MTMR7: variants seen among roughly 807,000 people sequenced by gnomAD.
MTMR7 encodes myotubularin related protein 7.
MTMR7 carries 76 observed loss-of-function variants against 81.2 expected under a neutral mutation model. The observed-to-expected ratio is 0.94, with a 90% confidence interval of 0.78 to 1.13. MTMR7 has a LOEUF of 1.13. MTMR7 is among the 50% of genes most tolerant of loss of function. The probability of loss-of-function intolerance (pLI) is 0.00; values close to 1 mark genes in which losing one functional copy is unlikely to be tolerated. For missense variants in MTMR7, 1,044 were observed against 820.0 expected (o/e 1.27, Z -3.34); for synonymous variants, 372 against 289.8 (o/e 1.28, Z -2.88).
At chr8:17,393,256 A>T (rs996458658) in intron 1 of MTMR7, among the ~76,000 whole-genome samples, 1 of 152,218 alleles carries the variant, frequency 6.6e-6, no homozygotes, top group Admixed American at 6.5e-5. Flanking sequence ...TCTATCTCAC[A>T]CCATATACAA....
At chr8:17,411,068 T>C (rs949392749) in intron 1 of MTMR7, among the ~76,000 whole-genome samples, 2 of 152,200 alleles carry the variant, frequency 1.3e-5, no homozygotes, top group African/African-American at 4.8e-5. Flanking sequence ...CTCTGCAAGC[T>C]CTGTAAGTAA....
At position 17,355,682 on chromosome 8, in the gene MTMR7, T is replaced by C. The variant is rs146241305; in HGVS notation, c.468+5435A>G. On this transcript the variant is annotated intron_variant, in intron 4 of 13. Transcript: ENST00000180173. ...TATCAGAATCTCCTGAGACAAGATA[T>C]CTGCAAGAGCTATAAATTATAACAA... is the stretch of plus-strand genomic sequence containing the variant. 2.6e-5 allele frequency among the ~76,000 whole-genome samples: 4 copies of C among 152,152 alleles called. No individual in the cohort carries two copies. In the East Asian group the frequency reaches 7.7e-4, roughly 29 times the overall value.
chr8:17,323,719 G>C (rs1354489695), intron 7 of MTMR7, among the ~76,000 whole-genome samples: 2 of 152,120 alleles, frequency 1.3e-5, no homozygotes, highest in Non-Finnish European at 2.9e-5. Context: ...TATGAACTTT[G>C]AGACTGTATT....
chr8:17,313,346 A>G lies in MTMR7; in HGVS notation c.921T>C (p.Ser307=). 6.2e-7 allele frequency: 1 copy of G among 1,613,380 alleles called. No homozygotes were observed. The highest frequency in any genetic ancestry group is 8.5e-7 in the Non-Finnish European group (1 of 1,179,426). ...MSDFLWGLEN[S]GWLRHIKAIM... is the part of the protein sequence containing the mutation. ...TGGCTTTAATGTGCCTTAACCAGCCAGAGTTCTCCAGACCCCACAGGAAAT... is the reference window on the plus strand; with the variant it reads ...TGGCTTTAATGTGCCTTAACCAGCCGGAGTTCTCCAGACCCCACAGGAAAT... The change falls in exon 8 of 14, where the codon TCT becomes TCC. Residue 307 remains serine, a synonymous_variant. Coordinates refer to ENST00000180173, the MANE Select transcript of MTMR7 (RefSeq NM_004686.5).
At chr8:17,354,968 C>T (rs1819842915) in intron 4 of MTMR7, among the ~76,000 whole-genome samples, 2 of 152,016 alleles carry the variant, frequency 1.3e-5, no homozygotes, top group Admixed American at 1.3e-4. Context: ...TTTTGTTTTG[C>T]TGTTAGTTTT....
chr8:17,348,905 T>G, intron 5 of MTMR7, 48 bp downstream of exon 5: 1 of 1,610,222 alleles, frequency 6.2e-7, no homozygotes, highest in Non-Finnish European at 8.5e-7. Flanking sequence ...CTGCTTATGA[T>G]AAACTAGAAA....
At chr8:17,315,357 G>T (rs1458753972) in intron 7 of MTMR7, among the ~76,000 whole-genome samples, 1 of 152,090 alleles carries the variant, frequency 6.6e-6, no homozygotes, top group Admixed American at 6.5e-5. Flanking sequence ...GAAATAAATA[G>T]GTGGGGCACA....
At chr8:17,355,739 C>CAAT (rs569743300) in intron 4 of MTMR7, among the ~76,000 whole-genome samples, 233 of 120,642 alleles carry the variant, frequency 1.9e-3, no homozygotes, top group African/African-American at 8.2e-3. Context: ...AGAACTACAA[C>CAAT]AAGAAAACAA....
chr8:17,312,018 C>CA (rs113528067), intron 8 of MTMR7, among the ~76,000 whole-genome samples: 26,670 of 151,712 alleles, frequency 0.18, 2,422 homozygotes, highest in African/African-American at 0.21. Flanking sequence ...AAGGAAAAGG[C>CA]AAAAAAGTTA....
At chr8:17,321,173 T>C (rs1367923617) in intron 7 of MTMR7, among the ~76,000 whole-genome samples, 2 of 152,210 alleles carry the variant, frequency 1.3e-5, no homozygotes, top group African/African-American at 2.4e-5. Flanking sequence ...CCACAAGGCA[T>C]GGAAATGACT....
At chr8:17,381,353 G>C (rs1030514732) in intron 1 of MTMR7, among the ~76,000 whole-genome samples, 15 of 152,080 alleles carry the variant, frequency 9.9e-5, no homozygotes, top group Non-Finnish European at 2.1e-4. Flanking sequence ...TTCACTGCCT[G>C]GGCGTCAGGA....
At chr8:17,410,915 C>T (rs953734851) in intron 1 of MTMR7, among the ~76,000 whole-genome samples, 1 of 152,104 alleles carries the variant, frequency 6.6e-6, no homozygotes, top group African/African-American at 2.4e-5. Flanking sequence ...CCACAGTGGG[C>T]CAGAAAAACA....
chr8:17,340,297 T>C (rs1819366648), intron 6 of MTMR7, among the ~76,000 whole-genome samples: 1 of 152,240 alleles, frequency 6.6e-6, no homozygotes, highest in Non-Finnish European at 1.5e-5. Flanking sequence ...TATCCCACTC[T>C]TGTTGCCTAA....
intron 1 of MTMR7, among the ~76,000 whole-genome samples, chr8:17,378,497 C>A (rs1366102627): frequency 3.3e-5 from 5 of 152,150 alleles, no homozygotes; most frequent in Non-Finnish European, 7.3e-5. Flanking sequence ...CTCATCTATA[C>A]ATATATGCTG....
At position 17,384,542 on chromosome 8, in the gene MTMR7, T is replaced by G. The variant is rs759065124; in HGVS notation, c.25-11302A>C. ...TGAAACTCACAGAAACAATAGAGTA[T>G]GCAAAAAATATAAACTACCCAATTA... On this transcript the variant is annotated intron_variant, in intron 1 of 13. Transcript: ENST00000180173. 5.3e-5 allele frequency among the ~76,000 whole-genome samples: 8 copies of G among 152,176 alleles called. 1 individual carries two copies. Among genetic ancestry groups the G allele is most frequent in the Admixed American group, 5.2e-4 (8 of 15,284 alleles).
chr8:17,337,374 A>G (rs895683394), intron 6 of MTMR7, among the ~76,000 whole-genome samples: 60 of 151,886 alleles, frequency 4.0e-4, no homozygotes, highest in Admixed American at 5.9e-4. Flanking sequence ...AAAAAAAAAA[A>G]AAAAAAAGTG....
intron 4 of MTMR7, among the ~76,000 whole-genome samples, chr8:17,359,554 C>A (rs538842898): frequency 6.9e-6 from 1 of 145,924 alleles, no homozygotes; most frequent in African/African-American, 2.6e-5. Context: ...TGTACTCTAG[C>A]CTGGGTAACA....
intron 1 of MTMR7, among the ~76,000 whole-genome samples, chr8:17,379,759 T>G (rs537057605): frequency 4.6e-5 from 7 of 152,200 alleles, no homozygotes; most frequent in African/African-American, 1.7e-4. Context: ...CTATACCTCA[T>G]GTTAAGTGTT....
Position 17,346,883 on chromosome 8 carries a change from A to AT in MTMR7, c.597+2069dup, listed in dbSNP as rs199693727. On this transcript the variant is annotated intron_variant, in intron 5 of 13. Transcript: ENST00000180173. ...TCCTATCTCTATTTATCCTATCTTA[A>AT]TAAAAAAAAAAAAAAAAAAAAAAAA... is the stretch of plus-strand genomic sequence containing the variant. 0.018 allele frequency among the ~76,000 whole-genome samples: 2,078 copies of AT among 113,262 alleles called. 252 individuals are homozygous for AT. In the East Asian group the frequency reaches 0.24, roughly 13 times the overall value. 74.3% of individuals were successfully genotyped at this position (113,262 alleles called of 152,430 possible).
Sources: gnomAD v4.1 joint callset for allele counts (sites outside exome capture counted in the v4.1 genomes callset) on GRCh38, gnomAD v4.1.1 for gene constraint, MANE v1.5 for transcripts, NCBI Gene and HGNC (gene_info 2026-07-23, HGNC 2026-07-21) for gene names.